Variants in SEM1 observed in about 807,000 individuals in gnomAD.
SEM1 encodes the protein SEM1 26S proteasome subunit, also known as 26S proteasome complex subunit SEM1.
Under a neutral mutation model 12.7 loss-of-function variants are expected in SEM1, and 3 were observed. The ratio of observed to expected loss-of-function variants is 0.24; its 90% CI spans 0.11 to 0.61. The LOEUF is 0.61. Among genes scored for constraint, SEM1 ranks in the 20% least tolerant of loss-of-function variants. The probability of loss-of-function intolerance (pLI) is 0.88; values close to 1 mark genes in which losing one functional copy is unlikely to be tolerated. For missense variants in SEM1, 59 were observed against 81.3 expected (o/e 0.73, Z 1.06); for synonymous variants, 30 against 27.8 (o/e 1.08, Z -0.25).
chr7:96,489,473 G>T (rs745683192), intron 1 of SEM1, among the ~76,000 whole-genome samples: 10 of 152,082 alleles, frequency 6.6e-5, no homozygotes, highest in Non-Finnish European at 1.3e-4. Flanking sequence ...TAGAGTGATG[G>T]GTCTAAAACA....
chr7:96,509,602 T>C (rs553245625), intron 2 of SEM1, among the ~76,000 whole-genome samples: 6 of 152,110 alleles, frequency 3.9e-5, no homozygotes, highest in Non-Finnish European at 5.9e-5. Flanking sequence ...TCCATGTTCA[T>C]AGCAGCATTA....
chr7:96,660,982 A>T (rs1461997137), intron 2 of SEM1, among the ~76,000 whole-genome samples: 1 of 152,224 alleles, frequency 6.6e-6, no homozygotes, highest in East Asian at 1.9e-4. Context: ...GCTAGGAAGA[A>T]ATAATACTAG....
At chr7:96,690,291 A>G (rs1789889432) in intron 2 of SEM1, among the ~76,000 whole-genome samples, 1 of 152,200 alleles carries the variant, frequency 6.6e-6, no homozygotes, top group Non-Finnish European at 1.5e-5. Context: ...CCTACAATTT[A>G]AGTAACAAGT....
intron 2 of SEM1, among the ~76,000 whole-genome samples, chr7:96,535,543 G>A (rs775804727): frequency 4.0e-5 from 6 of 151,710 alleles, no homozygotes; most frequent in Non-Finnish European, 7.4e-5. Context: ...GAAATTTCAC[G>A]TACAGATTCT....
chr7:96,608,114 A>G (rs535817279), intron 2 of SEM1, among the ~76,000 whole-genome samples: 1 of 152,364 alleles, frequency 6.6e-6, no homozygotes, highest in Admixed American at 6.5e-5. Context: ...AGAAGAGAGC[A>G]TAGGAAATAA....
intron 1 of SEM1, 95 bp from the exon 2 acceptor site, chr7:96,694,986 T>G (rs1014208241): frequency 1.2e-6 from 1 of 814,306 alleles, no homozygotes; most frequent in Non-Finnish European, 2.0e-6. Context: ...CACTCACAAT[T>G]CAAAAACAGC....
At chr7:96,534,300 A>G (rs1804724663) in intron 2 of SEM1, among the ~76,000 whole-genome samples, 2 of 152,112 alleles carry the variant, frequency 1.3e-5, no homozygotes, top group South Asian at 4.1e-4. Context: ...TGAGCTTGAC[A>G]GCTTCCCCGA....
intron 2 of SEM1, chr7:96,622,695 C>A: frequency 1.3e-6 from 1 of 750,630 alleles, no homozygotes; most frequent in Middle Eastern, 2.3e-4. Context: ...CACCTATTAG[C>A]CTCAAATTCT....
At chr7:96,662,604 T>C (rs1202842793) in intron 2 of SEM1, among the ~76,000 whole-genome samples, 1 of 152,092 alleles carries the variant, frequency 6.6e-6, no homozygotes, top group Non-Finnish European at 1.5e-5. Flanking sequence ...GGTTGATAGG[T>C]GCAGCAAACC....
At chr7:96,657,910 C>T (rs1202796795) in intron 2 of SEM1, among the ~76,000 whole-genome samples, 4 of 152,158 alleles carry the variant, frequency 2.6e-5, no homozygotes, top group African/African-American at 9.7e-5. Flanking sequence ...CACTAGCAAC[C>T]TTTGTGCAGA....
intron 2 of SEM1, among the ~76,000 whole-genome samples, chr7:96,540,253 A>G (rs897736468): frequency 9.2e-5 from 14 of 151,652 alleles, no homozygotes; most frequent in Admixed American, 4.6e-4. Context: ...GCTGCATTTG[A>G]GTGTTGAGAA....
chr7:96,555,933 AC>A (rs1014970160), intron 2 of SEM1, among the ~76,000 whole-genome samples: 28 of 144,190 alleles, frequency 1.9e-4, no homozygotes, highest in Admixed American at 6.3e-4. Context: ...TGATCCCTTT[AC>A]CATTATGTAA....
At chr7:96,665,227 T>C (rs1354879912) in intron 2 of SEM1, among the ~76,000 whole-genome samples, 2 of 152,098 alleles carry the variant, frequency 1.3e-5, no homozygotes, top group African/African-American at 4.8e-5. Flanking sequence ...CCTCTAGCTT[T>C]CCAAATCCCA....
At chr7:96,496,615 T>G (rs1287520782), upstream of SEM1, among the ~76,000 whole-genome samples, 1 of 152,142 alleles carries the variant, frequency 6.6e-6, no homozygotes, top group African/African-American at 2.4e-5. Flanking sequence ...AAAATACTGC[T>G]TTCTCCAGGA....
intron 2 of SEM1, among the ~76,000 whole-genome samples, chr7:96,518,165 C>A (rs1482079567): frequency 6.6e-6 from 1 of 152,108 alleles, no homozygotes; most frequent in Admixed American, 6.6e-5. Flanking sequence ...TTCTCTAATG[C>A]CATTGGCAAT....
intron 2 of SEM1, among the ~76,000 whole-genome samples, chr7:96,530,199 C>G (rs1300505280): frequency 6.6e-6 from 1 of 152,018 alleles, no homozygotes; most frequent in Non-Finnish European, 1.5e-5. Flanking sequence ...CTTGTCTGGA[C>G]TGGGTGGGTG....
exon 3 of SEM1, chr7:96,673,739 C>A (rs746446851): frequency 1.0e-5 from 8 of 765,060 alleles, no homozygotes; most frequent in Non-Finnish European, 4.8e-6. Context: ...GGGCCATGAA[C>A]ACATACAGGT....
chr7:96,584,239 C>T (rs1292229637), intron 2 of SEM1, among the ~76,000 whole-genome samples: 2 of 152,020 alleles, frequency 1.3e-5, no homozygotes, highest in African/African-American at 2.4e-5. Context: ...CTTAGTTTGG[C>T]TGGATATGAA....
chr7:96,541,356 T>C (rs1804941754), intron 2 of SEM1, among the ~76,000 whole-genome samples: 1 of 151,800 alleles, frequency 6.6e-6, no homozygotes, highest in African/African-American at 2.4e-5. Context: ...CTGAACGTTT[T>C]TTATATATTT....
Sources: gnomAD v4.1 joint callset for allele counts (sites outside exome capture counted in the v4.1 genomes callset) on GRCh38, gnomAD v4.1.1 for gene constraint, MANE v1.5 for transcripts, NCBI Gene and HGNC (gene_info 2026-07-23, HGNC 2026-07-21) for gene names.